The following EARS2 variants were observed in gnomAD, a reference collection of about 807,000 sequenced individuals.
EARS2 encodes nondiscriminating glutamyl-tRNA synthetase EARS2, mitochondrial.
Under a neutral mutation model 54.1 loss-of-function variants are expected in EARS2, and 50 were observed. The observed-to-expected ratio is 0.92, with a 90% CI of 0.74 to 1.17. EARS2 has a LOEUF of 1.17. EARS2 is among the 50% of genes most tolerant of loss of function. The pLI, the probability that EARS2 is intolerant of heterozygous loss-of-function variation, is 0.00. For synonymous variants in EARS2, 298 were observed against 281.0 expected, an observed-to-expected ratio of 1.06 and a Z score of -0.61; for missense variants, 673 against 675.0, an observed-to-expected ratio of 1.00 and a Z score of 0.03.
intron 2 of EARS2, among the ~76,000 whole-genome samples, chr16:23,548,656 G>C (rs548915674): frequency 1.3e-5 from 2 of 152,230 alleles, no homozygotes; most frequent in East Asian, 3.9e-4. Flanking sequence ...TGACTGACAG[G>C]AGACAGACAA....
chr16:23,547,274 T>G (rs1372648679), intron 2 of EARS2, among the ~76,000 whole-genome samples: 1 of 152,134 alleles, frequency 6.6e-6, no homozygotes, highest in East Asian at 1.9e-4. Flanking sequence ...ATGATCTCAT[T>G]CATATGAAAC....
Position 23,525,277 on chromosome 16 carries a change from C to G in EARS2, c.1455G>C (p.Met485Ile). 1.2e-6 allele frequency: 2 copies of G among 1,614,134 alleles called. No individual in the cohort carries two copies. The highest frequency in any genetic ancestry group is 1.7e-6 in the Non-Finnish European group (2 of 1,180,034). The change falls in exon 8 of 9, where the codon ATG becomes ATC. Residue 485 changes from methionine to isoleucine, a missense_variant. Around this residue, in one of 3 missense-constraint regions of EARS2, gnomAD observed 338 missense variants for 361.2 expected, o/e 0.94. Transcript: ENST00000449606. ...CACTGAGGGCCATCCGAAGGAGTTT[C>G]ATCACATTACTGTACTTGGTGCCTT... Reference protein sequence around the residue: ...GLEGTKYSNVMKLLRMALSGQ... With the variant: ...GLEGTKYSNVIKLLRMALSGQ...
chr16:23,542,316 C>CTTTTTTTTTTTTTTTTTT (rs745418385), intron 3 of EARS2, among the ~76,000 whole-genome samples: 1 of 93,698 alleles, frequency 1.1e-5, no homozygotes. Flanking sequence ...TTTCATTTTT[C>CTTTTTTTTTTTTTTTTTT]TTTTTTTTTT....
At chr16:23,527,833 G>A (rs772602525) in intron 7 of EARS2, among the ~76,000 whole-genome samples, 12 of 152,286 alleles carry the variant, frequency 7.9e-5, no homozygotes, top group South Asian at 2.1e-4. Flanking sequence ...GATTACAGGC[G>A]TGAGTCACCG....
chr16:23,533,673 G>C (rs1388067347), intron 4 of EARS2, among the ~76,000 whole-genome samples: 1 of 152,186 alleles, frequency 6.6e-6, no homozygotes, highest in Non-Finnish European at 1.5e-5. Context: ...CCATTGCCTG[G>C]CTGTACCAGA....
chr16:23,548,265 A>AAATG (rs139136502), intron 2 of EARS2, among the ~76,000 whole-genome samples: 2 of 144,218 alleles, frequency 1.4e-5, no homozygotes, highest in Non-Finnish European at 1.5e-5. Context: ...ATAAATAAAT[A>AAATG]AATAAATAAA....
intron 7 of EARS2, among the ~76,000 whole-genome samples, chr16:23,527,755 G>A (rs376376485): frequency 2.0e-4 from 31 of 152,088 alleles, no homozygotes; most frequent in Middle Eastern, 3.4e-3. Flanking sequence ...GGGTTTCACC[G>A]TGTTAGCCAG....
chr16:23,535,493 G>A, intron 3 of EARS2, 133 bp from the exon 4 acceptor site: 4 of 751,234 alleles, frequency 5.3e-6, no homozygotes, highest in South Asian at 5.3e-5. Flanking sequence ...CTATAACAGG[G>A]ATGATGGTAC....
intron 1 of EARS2, among the ~76,000 whole-genome samples, chr16:23,553,875 G>A (rs542351200): frequency 8.8e-5 from 13 of 148,320 alleles, no homozygotes; most frequent in Middle Eastern, 3.6e-3. Flanking sequence ...CAGCCTGGGC[G>A]ACAGGGCGAG....
intron 3 of EARS2, among the ~76,000 whole-genome samples, chr16:23,538,956 C>T (rs1010190363): frequency 5.4e-5 from 8 of 148,630 alleles, no homozygotes; most frequent in Non-Finnish European, 7.4e-5. Flanking sequence ...ACATTCTCAA[C>T]AGTTATGGCC....
chr16:23,527,326 C>T (rs980173135), intron 7 of EARS2, among the ~76,000 whole-genome samples: 1 of 152,250 alleles, frequency 6.6e-6, no homozygotes, highest in East Asian at 1.9e-4. Context: ...TGGGGCTGGA[C>T]ATCTTTCTGG....
rs1597013391 is a variant in EARS2 at position 23,535,042 on chromosome 16, T to G, written c.804A>C (p.Pro268=). 5 of 1,609,702 alleles carry G rather than the reference T, an allele frequency of 3.1e-6. No individual in the cohort carries two copies. The highest frequency in any genetic ancestry group is 4.2e-6 in the Non-Finnish European group (5 of 1,178,506). ...GCAGGGGCAGGTGGGCGAAGTGGGGTGGCTGCCAGCCCAGGGCCTGGTAGA... is the reference window on the plus strand; with the variant it reads ...GCAGGGGCAGGTGGGCGAAGTGGGGGGGCTGCCAGCCCAGGGCCTGGTAGA... The part of the protein sequence containing the change: ...LLLYQALGWQ[P]PHFAHLPLLL... The change falls in exon 4 of 9, where the codon CCA becomes CCC. Residue 268 remains proline (P), a synonymous_variant. Transcript: ENST00000449606.
chr16:23,557,314 C>T lies in EARS2; in HGVS notation c.30G>A (p.Gln10=), dbSNP rs756885601. The change falls in exon 1 of 9, where the codon CAG becomes CAA. Residue 10 remains glutamine (Q), a synonymous_variant. Coordinates refer to ENST00000449606, the MANE Select transcript of EARS2 (RefSeq NM_001083614.2). ...CAGAGGCCGCCGAAGGCCTCTCGCGCTGCAGCAGTCTCCTCAGGAGCGCCG... is the reference window on the plus strand; with the variant it reads ...CAGAGGCCGCCGAAGGCCTCTCGCGTTGCAGCAGTCTCCTCAGGAGCGCCG... MAALLRRLL[Q]RERPSAASGR... 12 of 1,530,306 alleles carry T rather than the reference C, an allele frequency of 7.8e-6. No individual in the cohort carries two copies. Among genetic ancestry groups the T allele is most frequent in the Admixed American group, 2.2e-5 (1 of 44,588 alleles). The allele number at this position is 1,530,306 out of a possible 1,614,324, so 94.8% of individuals were successfully genotyped here. A position where few individuals can be genotyped will look rare whatever the true frequency, so the allele number is the denominator to read the frequency against.
At chr16:23,544,488 C>T (rs1180291608) in intron 3 of EARS2, 26 bp downstream of exon 3, 5 of 1,603,890 alleles carry the variant, frequency 3.1e-6, no homozygotes, top group Admixed American at 3.4e-5. Context: ...GTTGATGAGG[C>T]ATCTGCAACA....
chr16:23,549,842 C>G (rs1965663976), intron 2 of EARS2, among the ~76,000 whole-genome samples: 1 of 152,300 alleles, frequency 6.6e-6, no homozygotes, highest in East Asian at 1.9e-4. Flanking sequence ...TCAAATACAT[C>G]TAGAACACTC....
At chr16:23,538,863 A>C (rs1965467065) in intron 3 of EARS2, among the ~76,000 whole-genome samples, 3 of 152,072 alleles carry the variant, frequency 2.0e-5, no homozygotes, top group African/African-American at 7.2e-5. Context: ...TGGAAAAAAA[A>C]GTCCTAAGGG....
rs771569694 is a variant in EARS2 at position 23,557,319 on chromosome 16, G to C, written c.25C>G (p.Leu9Val). The C allele has an allele frequency of 6.5e-7, 1 of 1,539,360 alleles. No individual in the cohort carries two copies. The highest frequency in any genetic ancestry group is 2.1e-5 in the Admixed American group (1 of 47,548). ...GCCGCCGAAGGCCTCTCGCGCTGCA[G>C]CAGTCTCCTCAGGAGCGCCGCCATG... MAALLRRL[L>V]QRERPSAASG... Residue 9 changes from leucine to valine, a missense_variant, in exon 1 of 9, where the codon CTG (leucine) becomes GTG (valine). By Grantham distance (32) the Leu-to-Val change is conservative. Around this residue, in one of 3 missense-constraint regions of EARS2, gnomAD observed 316 missense variants for 275.2 expected, o/e 1.15. Transcript: ENST00000449606.
chr16:23,550,186 C>T (rs983067059), intron 2 of EARS2, among the ~76,000 whole-genome samples: 1 of 151,852 alleles, frequency 6.6e-6, no homozygotes, highest in Non-Finnish European at 1.5e-5. Flanking sequence ...CATAGCAAGA[C>T]CCTACCTCTA....
At chr16:23,528,842 C>T (rs1452229119) in intron 7 of EARS2, among the ~76,000 whole-genome samples, 1 of 152,186 alleles carries the variant, frequency 6.6e-6, no homozygotes, top group Non-Finnish European at 1.5e-5. Context: ...CTGCAGATTG[C>T]TACATAATGG....
Sources: gnomAD v4.1 joint callset for allele counts (sites outside exome capture counted in the v4.1 genomes callset) on GRCh38, gnomAD v4.1.1 for gene constraint, gnomAD v4.1.1 regional missense constraint, MANE v1.5 for transcripts, NCBI Gene and HGNC (gene_info 2026-07-23, HGNC 2026-07-21) for gene names.